STYX: variants seen among roughly 807,000 people sequenced by gnomAD.
The protein encoded by STYX is serine/threonine/tyrosine-interacting protein.
Under a neutral mutation model 42.7 loss-of-function variants are expected in STYX, and 20 were observed. The ratio of observed to expected loss-of-function variants is 0.47; its 90% CI spans 0.33 to 0.68. STYX has a LOEUF of 0.68. STYX is among the 30% of genes least tolerant of loss of function. The probability of loss-of-function intolerance (pLI) is 0.02; values close to 1 mark genes in which losing one functional copy is unlikely to be tolerated. For synonymous variants in STYX, 78 were observed against 81.9 expected, an observed-to-expected ratio of 0.95 and a Z score of 0.26; for missense variants, 226 against 268.5, an observed-to-expected ratio of 0.84 and a Z score of 1.11.
intron 1 of STYX, among the ~76,000 whole-genome samples, chr14:52,744,026 G>A (rs1055874616): frequency 6.6e-6 from 1 of 152,116 alleles, no homozygotes; most frequent in Non-Finnish European, 1.5e-5. Flanking sequence ...GTTTCACCCT[G>A]TTTCCCAGGC....
At chr14:52,756,949 A>C in intron 5 of STYX, among the ~76,000 whole-genome samples, 1 of 151,874 alleles carries the variant, frequency 6.6e-6, no homozygotes. Flanking sequence ...AGCCTCCCAA[A>C]GTGCTGGCAT....
intron 1 of STYX, chr14:52,731,582 C>G (rs1345814665): frequency 1.3e-5 from 2 of 151,786 alleles, no homozygotes; most frequent in Admixed American, 6.6e-5. Flanking sequence ...GAACTACAGG[C>G]GCGCACCACC....
intron 3 of STYX, among the ~76,000 whole-genome samples, chr14:52,750,141 T>G (rs952926041): frequency 2.6e-5 from 4 of 152,198 alleles, no homozygotes; most frequent in African/African-American, 9.6e-5. Context: ...CATTTTTAAC[T>G]TCAGGAAAAT....
intron 4 of STYX, among the ~76,000 whole-genome samples, chr14:52,752,890 T>G (rs1490939484): frequency 6.9e-6 from 1 of 145,022 alleles, no homozygotes; most frequent in Non-Finnish European, 1.5e-5. Context: ...TTGTTTTTTT[T>G]TTTTTTTTGA....
chr14:52,745,123 GT>G (rs34700601), intron 2 of STYX, among the ~76,000 whole-genome samples: 57,596 of 131,788 alleles, frequency 0.44, 9,606 homozygotes, highest in Middle Eastern at 0.49. Context: ...TTTTTTTTTT[GT>G]TTTTTTTTTT....
chr14:52,733,340 C>CT (rs539010484), intron 1 of STYX, among the ~76,000 whole-genome samples: 6 of 152,028 alleles, frequency 3.9e-5, no homozygotes, highest in Middle Eastern at 3.4e-3. Flanking sequence ...AAAACACACT[C>CT]TTTTTTTTAT....
chr14:52,767,497 G>GT (rs1443720627), intron 9 of STYX, among the ~76,000 whole-genome samples: 1 of 151,934 alleles, frequency 6.6e-6, no homozygotes, highest in African/African-American at 2.4e-5. Context: ...GTTTTGTTTT[G>GT]TTTTTTCTTG....
chr14:52,737,618 G>A (rs968037662), intron 1 of STYX, among the ~76,000 whole-genome samples: 2 of 152,152 alleles, frequency 1.3e-5, no homozygotes, highest in Non-Finnish European at 2.9e-5. Flanking sequence ...TTAATACCAC[G>A]GTTTCTAAAA....
rs1880638132 is a variant in STYX at position 52,730,308 on chromosome 14, G to C, written c.-167G>C. Reference sequence around the variant, plus strand: ...CCTGTCTTCGCCGCCGCCGCTGCTGGAGTCACTGGGACCCTGTAGTCTGCG... The same window carrying C: ...CCTGTCTTCGCCGCCGCCGCTGCTGCAGTCACTGGGACCCTGTAGTCTGCG... On this transcript the variant is annotated 5_prime_UTR_variant, in exon 1 of 11. Transcript: ENST00000354586. The C allele has an allele frequency of 1.6e-6, 1 of 643,656 alleles. No individual in the cohort carries two copies. Among genetic ancestry groups the C allele is most frequent in the Non-Finnish European group, 2.7e-6 (1 of 364,926 alleles). 39.9% of individuals were successfully genotyped at this position (643,656 alleles called of 1,614,324 possible).
intron 1 of STYX, among the ~76,000 whole-genome samples, chr14:52,743,848 G>A (rs770779768): frequency 7.9e-5 from 12 of 152,030 alleles, no homozygotes; most frequent in Non-Finnish European, 1.5e-4. Flanking sequence ...TTTTTAGACG[G>A]GGTCTCAGTC....
At chr14:52,747,404 G>A (rs1450208318) in intron 3 of STYX, among the ~76,000 whole-genome samples, 1 of 152,110 alleles carries the variant, frequency 6.6e-6, no homozygotes, top group Admixed American at 6.6e-5. Context: ...GTTTTAAAAG[G>A]TCATTGATTT....
chr14:52,740,632 GT>G (rs1881150384), intron 1 of STYX, among the ~76,000 whole-genome samples: 1 of 152,110 alleles, frequency 6.6e-6, no homozygotes, highest in African/African-American at 2.4e-5. Flanking sequence ...TTAATTAACA[GT>G]TGTTTTTGTC....
At chr14:52,752,108 C>T (rs1215616399) in intron 4 of STYX, among the ~76,000 whole-genome samples, 4 of 150,786 alleles carry the variant, frequency 2.7e-5, no homozygotes, top group Non-Finnish European at 5.9e-5. Context: ...TACAGTGAGC[C>T]GAGATCACAC....
intron 9 of STYX, among the ~76,000 whole-genome samples, chr14:52,768,306 C>T (rs1882387054): frequency 1.3e-5 from 2 of 152,156 alleles, no homozygotes; most frequent in South Asian, 2.1e-4. Flanking sequence ...AAGCCTTTTT[C>T]ATGCCGCTTC....
intron 9 of STYX, among the ~76,000 whole-genome samples, chr14:52,760,454 C>CT (rs1882047094): frequency 6.6e-6 from 1 of 152,132 alleles, no homozygotes; most frequent in Non-Finnish European, 1.5e-5. Context: ...GATGCACTGA[C>CT]AAAGATGATA....
chr14:52,771,184 G>A lies in STYX; in HGVS notation c.*78G>A. 1.5e-6 allele frequency: 2 copies of A among 1,358,628 alleles called. No individual in the cohort carries two copies. The highest frequency in any genetic ancestry group is 1.4e-5 in the South Asian group (1 of 72,000). The allele number at this position is 1,358,628 out of a possible 1,614,324, so 84.2% of individuals were successfully genotyped here. ...CAAGAGAAAATTATAATGTAAAATG[G>A]TAAAAACATAAGTAGTTTTTTTTTC... On this transcript the variant is annotated 3_prime_UTR_variant, in exon 11 of 11. Transcript: ENST00000354586.
intron 9 of STYX, among the ~76,000 whole-genome samples, chr14:52,762,262 A>G (rs1393268946): frequency 6.6e-6 from 1 of 152,116 alleles, no homozygotes; most frequent in Non-Finnish European, 1.5e-5. Context: ...TATTATGGAA[A>G]TCTATTTATA....
chr14:52,737,787 C>G (rs184365179), intron 1 of STYX, among the ~76,000 whole-genome samples: 195 of 152,118 alleles, frequency 1.3e-3, no homozygotes, highest in African/African-American at 4.6e-3. Flanking sequence ...CATAGACAGG[C>G]AGGGTTTTTT....
chr14:52,730,979 TTTTG>T (rs1163944307), intron 1 of STYX, among the ~76,000 whole-genome samples: 1 of 152,222 alleles, frequency 6.6e-6, no homozygotes, highest in Non-Finnish European at 1.5e-5. Context: ...TCCCAAAGTT[TTTTG>T]TTTGTTTTTA....
Sources: gnomAD v4.1 joint callset for allele counts (sites outside exome capture counted in the v4.1 genomes callset) on GRCh38, gnomAD v4.1.1 for gene constraint, MANE v1.5 for transcripts, NCBI Gene and HGNC (gene_info 2026-07-23, HGNC 2026-07-21) for gene names.